The following ROCK1 variants were observed in gnomAD, a reference collection of about 807,000 sequenced individuals.
The protein encoded by ROCK1 is rho-associated protein kinase 1.
ROCK1 carries 36 observed loss-of-function variants against 196.8 expected under a neutral mutation model. That is an observed-to-expected ratio of 0.18 (90% CI 0.14 to 0.24). The LOEUF is 0.24. Ranked by LOEUF, ROCK1 falls within the 10% of genes least tolerant of loss-of-function variation. The pLI is 1.00. For missense variants in ROCK1, 920 were observed against 1,562.0 expected, an observed-to-expected ratio of 0.59 and a Z score of 6.93; for synonymous variants, 443 against 515.9, an observed-to-expected ratio of 0.86 and a Z score of 1.91.
chr18:21,030,362 T>G (rs1488559154), intron 9 of ROCK1, among the ~76,000 whole-genome samples: 1 of 152,194 alleles, frequency 6.6e-6, no homozygotes, highest in African/African-American at 2.4e-5. Context: ...TACTAGCACC[T>G]AATGAGTACA....
chr18:21,032,945 C>T (rs995206954), intron 9 of ROCK1, among the ~76,000 whole-genome samples: 2 of 152,092 alleles, frequency 1.3e-5, no homozygotes, highest in African/African-American at 4.8e-5. Context: ...ACCTGTAACC[C>T]TAGCACTTTG....
chr18:21,043,422 A>C (rs2036124992), intron 6 of ROCK1, among the ~76,000 whole-genome samples: 1 of 151,898 alleles, frequency 6.6e-6, no homozygotes, highest in African/African-American at 2.4e-5. Context: ...TTCATACAGA[A>C]GTTCTCATGC....
intron 5 of ROCK1, chr18:21,045,087 C>G (rs1490780936): frequency 2.7e-6 from 1 of 364,374 alleles, no homozygotes; most frequent in Non-Finnish European, 4.9e-6. Flanking sequence ...TGTCAAACTC[C>G]TGAGCTCAAG....
intron 18 of ROCK1, 98 bp from the exon 19 acceptor site, chr18:20,987,208 T>C: frequency 9.3e-7 from 1 of 1,075,386 alleles, no homozygotes; most frequent in Non-Finnish European, 1.3e-6. Context: ...ATGTCTCTAT[T>C]GTTTTTATTC....
chr18:20,952,398 T>C (rs540264955), intron 32 of ROCK1, among the ~76,000 whole-genome samples: 7 of 149,048 alleles, frequency 4.7e-5, no homozygotes, highest in East Asian at 2.1e-4. Context: ...AATGAATGAA[T>C]GAATGAATGA....
chr18:21,042,957 A>G (rs1189647665), intron 6 of ROCK1, among the ~76,000 whole-genome samples: 5 of 152,166 alleles, frequency 3.3e-5, no homozygotes, highest in African/African-American at 9.7e-5. Context: ...ATATACACAC[A>G]CATTATATGT....
At chr18:21,051,845 A>G (rs1487957321) in intron 2 of ROCK1, among the ~76,000 whole-genome samples, 1 of 152,196 alleles carries the variant, frequency 6.6e-6, no homozygotes, top group Non-Finnish European at 1.5e-5. Flanking sequence ...AAGCACCACT[A>G]CTATGGGCAG....
At chr18:21,014,852 C>A (rs2035849915) in intron 13 of ROCK1, among the ~76,000 whole-genome samples, 1 of 152,052 alleles carries the variant, frequency 6.6e-6, no homozygotes. Flanking sequence ...TCATGGGACT[C>A]ATAGACACAG....
chr18:21,094,038 C>G (rs2036592889), intron 1 of ROCK1, among the ~76,000 whole-genome samples: 1 of 151,986 alleles, frequency 6.6e-6, no homozygotes, highest in Non-Finnish European at 1.5e-5. Context: ...CTCCAGAGCT[C>G]TATACTCAAG....
intron 1 of ROCK1, among the ~76,000 whole-genome samples, chr18:21,103,451 A>ATTTTTT: frequency 6.6e-6 from 1 of 151,546 alleles, no homozygotes; most frequent in Non-Finnish European, 1.5e-5. Context: ...TGTTTAATAA[A>ATTTTTT]TTTTATTTTA....
chr18:21,014,853 A>G (rs2035849937), intron 13 of ROCK1, among the ~76,000 whole-genome samples: 1 of 152,234 alleles, frequency 6.6e-6, no homozygotes, highest in Non-Finnish European at 1.5e-5. Flanking sequence ...CATGGGACTC[A>G]TAGACACAGT....
chr18:21,088,668 G>A (rs140273688), intron 1 of ROCK1, among the ~76,000 whole-genome samples: 69 of 152,278 alleles, frequency 4.5e-4, no homozygotes, highest in African/African-American at 1.6e-3. Flanking sequence ...GTTAAGAGGT[G>A]GGGCCTTTGG....
At chr18:21,104,859 A>G (rs2036690421) in intron 1 of ROCK1, among the ~76,000 whole-genome samples, 1 of 152,222 alleles carries the variant, frequency 6.6e-6, no homozygotes, top group Non-Finnish European at 1.5e-5. Context: ...ACAGTCTCTA[A>G]AAGATCTTCC....
At chr18:21,028,745 T>A (rs1460132243) in intron 10 of ROCK1, 31 bp downstream of exon 10, 2 of 1,546,246 alleles carry the variant, frequency 1.3e-6, no homozygotes, top group Admixed American at 4.4e-5. Context: ...AATCAGCACT[T>A]ACTCCTATAA....
intron 25 of ROCK1, among the ~76,000 whole-genome samples, chr18:20,968,307 ATTTC>A (rs1357648684): frequency 6.6e-6 from 1 of 150,764 alleles, no homozygotes; most frequent in Non-Finnish European, 1.5e-5. Context: ...CTGAAATCCT[ATTTC>A]TTTTTTTTTT....
intron 12 of ROCK1, among the ~76,000 whole-genome samples, chr18:21,016,590 A>G (rs2035864717): frequency 6.6e-6 from 1 of 152,164 alleles, no homozygotes; most frequent in Non-Finnish European, 1.5e-5. Context: ...TGGATGTCTC[A>G]TTAAATACCT....
intron 1 of ROCK1, among the ~76,000 whole-genome samples, chr18:21,082,288 C>T (rs779702642): frequency 6.6e-6 from 1 of 152,148 alleles, no homozygotes; most frequent in Non-Finnish European, 1.5e-5. Context: ...CCTTTTCAAA[C>T]TCTTTCAAAA....
chr18:20,983,617 A>G (rs1211067563), intron 20 of ROCK1, among the ~76,000 whole-genome samples: 1 of 152,144 alleles, frequency 6.6e-6, no homozygotes, highest in Admixed American at 6.6e-5. Context: ...TGGCTGACAG[A>G]AAGTCTACAC....
intron 19 of ROCK1, among the ~76,000 whole-genome samples, chr18:20,985,459 C>T (rs141157881): frequency 3.0e-4 from 46 of 152,306 alleles, no homozygotes; most frequent in African/African-American, 1.1e-3. Flanking sequence ...CTTCAGCTCT[C>T]AAATGTCATA....
Sources: gnomAD v4.1 joint callset for allele counts (sites outside exome capture counted in the v4.1 genomes callset) on GRCh38, gnomAD v4.1.1 for gene constraint, MANE v1.5 for transcripts, NCBI Gene and HGNC (gene_info 2026-07-23, HGNC 2026-07-21) for gene names.